The following LGSN variants were observed in gnomAD, a reference collection of about 807,000 sequenced individuals.
LGSN encodes lengsin, lens protein with glutamine synthetase domain, also known as lengsin.
A neutral mutation model predicts 19.5 loss-of-function variants in LGSN; 21 were observed. That is an observed-to-expected ratio of 1.07 (90% CI 0.76 to 1.55). The LOEUF (loss-of-function observed/expected upper bound fraction) is 1.55, where lower values mean the gene tolerates loss of function less well. Ranked by LOEUF, LGSN falls within the 40% of genes most tolerant of loss-of-function variation. LGSN has a pLI of 0.00. For synonymous variants in LGSN, 257 were observed against 215.6 expected, an observed-to-expected ratio of 1.19 and a Z score of -1.68; for missense variants, 673 against 608.5, an observed-to-expected ratio of 1.11 and a Z score of -1.12.
the LGSN span, among the ~76,000 whole-genome samples, chr6:63,410,028 C>T: frequency 6.6e-6 from 1 of 152,054 alleles, no homozygotes; most frequent in Admixed American, 6.6e-5. Flanking sequence ...AAGAGCAAGA[C>T]TCCATCTCAA....
the LGSN span, among the ~76,000 whole-genome samples, chr6:63,564,658 T>C: frequency 6.6e-6 from 1 of 152,160 alleles, no homozygotes; most frequent in Non-Finnish European, 1.5e-5. Context: ...TATACTCCAT[T>C]CCCTTTCTCT....
chr6:63,351,273 T>C, the LGSN span, among the ~76,000 whole-genome samples: 1 of 152,098 alleles, frequency 6.6e-6, no homozygotes, highest in Non-Finnish European at 1.5e-5. Context: ...ACATTTCTGA[T>C]ATTTATCTGC....
At chr6:63,505,571 A>AGAAAG in the LGSN span, among the ~76,000 whole-genome samples, 3 of 41,548 alleles carry the variant, frequency 7.2e-5, no homozygotes, top group African/African-American at 1.6e-4. Flanking sequence ...AAAAAAAAGA[A>AGAAAG]AGAAAGAAAG....
chr6:63,424,647 G>A, the LGSN span, among the ~76,000 whole-genome samples: 3 of 151,974 alleles, frequency 2.0e-5, no homozygotes, highest in African/African-American at 7.3e-5. Context: ...TAAAAGCCAG[G>A]CACAGTGGCT....
the LGSN span, among the ~76,000 whole-genome samples, chr6:63,480,962 T>C: frequency 2.5e-5 from 1 of 39,606 alleles, no homozygotes; most frequent in Admixed American, 2.6e-4. Context: ...TATATATATA[T>C]ATATATATAT....
the LGSN span, among the ~76,000 whole-genome samples, chr6:63,453,437 C>T: frequency 6.6e-6 from 1 of 152,018 alleles, no homozygotes. Flanking sequence ...TGTTTTACTT[C>T]AGGTATTTAG....
chr6:63,330,130 T>C, the LGSN span, among the ~76,000 whole-genome samples: 1 of 152,234 alleles, frequency 6.6e-6, no homozygotes, highest in East Asian at 1.9e-4. Flanking sequence ...TCTGGGGCAG[T>C]GCACCTTCCA....
the LGSN span, among the ~76,000 whole-genome samples, chr6:63,440,589 CTCCTTTCCCTAGATA>C: frequency 2.6e-5 from 4 of 152,168 alleles, no homozygotes; most frequent in African/African-American, 9.7e-5. Context: ...CTGCCTGTTT[CTCCTTTCCCTAGATA>C]TCCATTTGTC....
At chr6:63,458,347 A>G in the LGSN span, among the ~76,000 whole-genome samples, 2 of 152,194 alleles carry the variant, frequency 1.3e-5, no homozygotes, top group Non-Finnish European at 2.9e-5. Flanking sequence ...AATTGCAGGC[A>G]TAAGCCATCG....
the LGSN span, among the ~76,000 whole-genome samples, chr6:63,389,939 CA>C: frequency 7.6e-3 from 1,127 of 148,908 alleles, 9 homozygotes; most frequent in Non-Finnish European, 0.013. Flanking sequence ...CCATCCCCCA[CA>C]AAAAAAAATG....
At chr6:63,541,694 A>G in the LGSN span, among the ~76,000 whole-genome samples, 1 of 152,148 alleles carries the variant, frequency 6.6e-6, no homozygotes, top group Non-Finnish European at 1.5e-5. Context: ...AGCAATCAGA[A>G]GGGCAAGCCC....
At chr6:63,467,125 A>G in the LGSN span, among the ~76,000 whole-genome samples, 2 of 152,148 alleles carry the variant, frequency 1.3e-5, no homozygotes, top group African/African-American at 4.8e-5. Context: ...AGCAAAAAGG[A>G]GACTGAGAAG....
At chr6:63,312,186 T>C (rs1768657831) in intron 1 of LGSN, among the ~76,000 whole-genome samples, 1 of 152,226 alleles carries the variant, frequency 6.6e-6, no homozygotes, top group Non-Finnish European at 1.5e-5. Context: ...ACTTTTTCTT[T>C]ATCCATTCAT....
the LGSN span, among the ~76,000 whole-genome samples, chr6:63,506,899 G>A: frequency 6.6e-6 from 1 of 152,128 alleles, no homozygotes; most frequent in Non-Finnish European, 1.5e-5. Flanking sequence ...AACAGAGCCT[G>A]AGACAAAAGT....
Position 63,319,917 on chromosome 6 carries a change from C to T in LGSN, c.27G>A (p.Gln9=). The part of the protein sequence containing the change: MNNEEDLL[Q]EDSTRDEGNE... ...ATTTTAATGATTAGCTTCATACCTC[C>T]TGCAGAAGGTCCTCTTCATTATTCA... Residue 9 remains glutamine, a synonymous_variant, in exon 1 of 4, where the codon CAG becomes CAA. Coordinates refer to ENST00000370657, the MANE Select transcript of LGSN (RefSeq NM_016571.3). The T allele has an allele frequency of 6.2e-7, 1 of 1,608,638 alleles. No individual in the cohort carries two copies. Among genetic ancestry groups the T allele is most frequent in the Non-Finnish European group, 8.5e-7 (1 of 1,175,304 alleles).
chr6:63,431,336 G>C, the LGSN span, among the ~76,000 whole-genome samples: 2 of 152,224 alleles, frequency 1.3e-5, no homozygotes, highest in Non-Finnish European at 2.9e-5. Flanking sequence ...CAAAACCTGA[G>C]TGTTGGTTGG....
chr6:63,414,651 G>A, the LGSN span, among the ~76,000 whole-genome samples: 7 of 152,224 alleles, frequency 4.6e-5, no homozygotes, highest in African/African-American at 1.7e-4. Context: ...TGTGCTGGGC[G>A]CGATGGCGCG....
the LGSN span, among the ~76,000 whole-genome samples, chr6:63,435,209 A>G: frequency 1.3e-5 from 2 of 152,194 alleles, no homozygotes; most frequent in Non-Finnish European, 2.9e-5. Context: ...GCCAGCCAAG[A>G]TTAGACAACA....
chr6:63,377,852 C>T, the LGSN span, among the ~76,000 whole-genome samples: 17,513 of 141,866 alleles, frequency 0.12, 2,333 homozygotes, highest in African/African-American at 0.34. Context: ...AGGTGGAGGT[C>T]GCAGTGAGCC....
Sources: allele counts gnomAD v4.1 joint callset (sites outside exome capture counted in the v4.1 genomes callset), GRCh38; gene constraint gnomAD v4.1.1; transcripts MANE v1.5; gene names NCBI Gene and HGNC (gene_info 2026-07-23, HGNC 2026-07-21).